SNPH: variants seen among roughly 807,000 people sequenced by gnomAD.
SNPH encodes the protein syntaphilin.
SNPH carries 10 observed loss-of-function variants against 36.8 expected under a neutral mutation model. The observed-to-expected ratio is 0.27, with a 90% CI of 0.17 to 0.46. The LOEUF (loss-of-function observed/expected upper bound fraction) is 0.46. Among genes scored for constraint, SNPH ranks in the 20% least tolerant of loss-of-function variants. SNPH has a pLI of 1.00. For synonymous variants in SNPH, 281 were observed against 312.2 expected, an observed-to-expected ratio of 0.90 and a Z score of 1.05; for missense variants, 622 against 744.0, an observed-to-expected ratio of 0.84 and a Z score of 1.91.
At chr20:1,286,073 G>A (rs972084496) in intron 2 of SNPH, among the ~76,000 whole-genome samples, 1 of 126,108 alleles carries the variant, frequency 7.9e-6, no homozygotes, top group African/African-American at 3.1e-5. Context: ...CTGAGCGACA[G>A]AGCGAGACTC....
At position 1,266,626 on chromosome 20, in the gene SNPH, G is replaced by A. The variant is rs1366489027; in HGVS notation, c.-599-28G>A. On this transcript the variant is annotated intron_variant, in intron 1 of 6. Transcript: ENST00000381867. The surrounding 1 kb of genome is among the most constrained non-coding windows in gnomAD (Gnocchi z 6.0). ...TTCCCCGCCCGCGCTCACCCGCCCC[G>A]GTCTATCTCTTTTTCCTAACCCCGC... is the stretch of plus-strand genomic sequence containing the variant. 3.4e-6 allele frequency: 5 copies of A among 1,480,008 alleles called. No individual in the cohort carries two copies. The African/African-American group carries it at 4.4e-5, about 13-fold the overall frequency. 91.7% of individuals were successfully genotyped at this position (1,480,008 alleles called of 1,614,324 possible).
At chr20:1,271,434 C>T (rs1209376485) in intron 2 of SNPH, among the ~76,000 whole-genome samples, 4 of 152,084 alleles carry the variant, frequency 2.6e-5, no homozygotes, top group Admixed American at 6.5e-5. Flanking sequence ...CTCTGCCTCC[C>T]GGGTTCAAAT....
chr20:1,266,772 G>A lies in SNPH; in HGVS notation c.-493+12G>A. ...GCCAGTGGACTCAGGTGAGGAGGCC[G>A]CGGCGGAGCGGGGAGCTGGCCCTGC... On this transcript the variant is annotated intron_variant, in intron 2 of 6. Transcript: ENST00000381867. This position sits in a 1 kb window ranked among gnomAD's most constrained non-coding sequence, Gnocchi z 6.0. 1 of 1,346,720 alleles carries A rather than the reference G, an allele frequency of 7.4e-7. No individual in the cohort carries two copies. The highest frequency in any genetic ancestry group is 9.5e-7 in the Non-Finnish European group (1 of 1,049,308). The allele number at this position is 1,346,720 out of a possible 1,614,324, so 83.4% of individuals were successfully genotyped here.
rs1291468711 is a variant in SNPH at position 1,285,766 on chromosome 20, T to C, written c.-492-9185T>C. Among the ~76,000 whole-genome samples the C allele has an allele frequency of 6.6e-6, 1 of 152,184 alleles. No individual in the cohort carries two copies. The highest frequency in any genetic ancestry group is 1.5e-5 in the Non-Finnish European group (1 of 68,032). On this transcript the variant is annotated intron_variant, in intron 2 of 6. Transcript: ENST00000381867. This position sits in a 1 kb window ranked among gnomAD's most constrained non-coding sequence, Gnocchi z 4.9. ...CCGTGGTTTCTTTCTGTCGGGTTAG[T>C]CTGCCTGTCAGCAAAAGGGGAAAAC...
At chr20:1,281,005 G>T (rs922006229) in intron 2 of SNPH, among the ~76,000 whole-genome samples, 1 of 152,150 alleles carries the variant, frequency 6.6e-6, no homozygotes, top group Non-Finnish European at 1.5e-5. Flanking sequence ...TGGGTGGAGT[G>T]GGGGGTGTGT....
intron 2 of SNPH, among the ~76,000 whole-genome samples, chr20:1,271,192 C>A (rs2088068982): frequency 6.6e-6 from 1 of 152,208 alleles, no homozygotes; most frequent in African/African-American, 2.4e-5. Context: ...AGACTTGGGT[C>A]CTCACCCCAG....
chr20:1,304,268 C>T lies in SNPH; in HGVS notation c.441-610C>T, dbSNP rs114816913. ...AGCCACCCTGTTCTTATCACTCTCC[C>T]GTTCCACCCACCACTTCTCATCGCT... On this transcript the variant is annotated intron_variant, in intron 6 of 6. Coordinates refer to ENST00000381867, the MANE Select transcript of SNPH (RefSeq NM_001318234.2). This position sits in a 1 kb window ranked among gnomAD's most constrained non-coding sequence, Gnocchi z 4.3. Among the ~76,000 whole-genome samples the T allele has an allele frequency of 2.5e-3, 374 of 152,248 alleles. No individual in the cohort carries two copies. The highest frequency in any genetic ancestry group is 8.5e-3 in the African/African-American group (355 of 41,536).
rs940798701 is a variant in SNPH at position 1,281,320 on chromosome 20, C to T, written c.-492-13631C>T. ...GACCTGTCCTGGTGCTTCTCTTCAT[C>T]TCTTCCCAGTCCATACTTGGCAGAG... On this transcript the variant is annotated intron_variant, in intron 2 of 6. Transcript: ENST00000381867. Among the ~76,000 whole-genome samples the T allele has an allele frequency of 2.6e-5, 4 of 152,328 alleles. No individual in the cohort carries two copies. The South Asian group carries it at 8.3e-4, about 32-fold the overall frequency.
In SNPH at chr20:1,304,747, G is replaced by C; in HGVS notation, c.441-131G>C. Reference sequence around the variant, plus strand: ...AAGAAGGCATTGAGTTTGTCCTTCTGTTTTGGGTTCTGAGCCACAGCAGCA... The same window carrying C: ...AAGAAGGCATTGAGTTTGTCCTTCTCTTTTGGGTTCTGAGCCACAGCAGCA... On this transcript the variant is annotated intron_variant, in intron 6 of 6. Transcript: ENST00000381867. The surrounding 1 kb of genome is among the most constrained non-coding windows in gnomAD (Gnocchi z 4.3). The C allele has an allele frequency of 1.3e-6, 1 of 782,548 alleles. No homozygotes were observed. The highest frequency in any genetic ancestry group is 2.6e-5 in the East Asian group (1 of 38,784). The allele number at this position is 782,548 out of a possible 1,614,324, so 48.5% of individuals were successfully genotyped here. A position where few individuals can be genotyped will look rare whatever the true frequency, so the allele number is the denominator to read the frequency against.
chr20:1,277,765 GTGTC>G (rs1368160814), intron 2 of SNPH, among the ~76,000 whole-genome samples: 2 of 142,710 alleles, frequency 1.4e-5, no homozygotes, highest in Admixed American at 7.0e-5. Context: ...GTGTGTGTCA[GTGTC>G]TGTCTCTGTG....
Position 1,300,675 on chromosome 20 carries a change from C to A in SNPH, c.404C>A (p.Ala135Asp). The change falls in exon 6 of 7, where the codon GCC (alanine) becomes GAC (aspartate). Residue 135 changes from alanine to aspartate, a missense_variant. Transcript: ENST00000381867. ...QKEVCIRHLKARLKDTQDRLQ... is the reference protein window; with the variant it reads ...QKEVCIRHLKDRLKDTQDRLQ... ...GAGGTGTGCATCCGGCACCTGAAAG[C>A]CCGGCTGAAGGACACACAGGACCGG... The A allele has an allele frequency of 6.2e-7, 1 of 1,612,614 alleles. No individual in the cohort carries two copies. The highest frequency in any genetic ancestry group is 8.5e-7 in the Non-Finnish European group (1 of 1,179,998).
At chr20:1,302,778 C>T (rs983613777) in intron 6 of SNPH, among the ~76,000 whole-genome samples, 19 of 152,218 alleles carry the variant, frequency 1.2e-4, no homozygotes, top group African/African-American at 2.9e-4. Flanking sequence ...GCAGCCAATC[C>T]GGTTTGGATT....
Position 1,287,956 on chromosome 20 carries a change from C to T in SNPH, c.-492-6995C>T, listed in dbSNP as rs978983842. On this transcript the variant is annotated intron_variant, in intron 2 of 6. Transcript: ENST00000381867. ...GCTGGGGCTGGCACCACTGCCCCTC[C>T]GTTCCTCACATTTCTCCATGGGTGT... Among the ~76,000 whole-genome samples, 8 of 152,336 alleles carry T rather than the reference C, an allele frequency of 5.3e-5. No individual in the cohort carries two copies. In the South Asian group the frequency reaches 1.4e-3, roughly 28 times the overall value.
chr20:1,285,476 T>A lies in SNPH; in HGVS notation c.-492-9475T>A, dbSNP rs747988646. On this transcript the variant is annotated intron_variant, in intron 2 of 6. Transcript: ENST00000381867. This position sits in a 1 kb window ranked among gnomAD's most constrained non-coding sequence, Gnocchi z 4.9. Reference sequence around the variant, plus strand: ...AATAACATTGAGAATAAGAATATATTCAGGCGAATAAATAATTACTGCTAT... The same window carrying A: ...AATAACATTGAGAATAAGAATATATACAGGCGAATAAATAATTACTGCTAT... Among the ~76,000 whole-genome samples, 6 of 152,210 alleles carry A rather than the reference T, an allele frequency of 3.9e-5. No homozygotes were observed. The highest frequency in any genetic ancestry group is 8.8e-5 in the Non-Finnish European group (6 of 68,034).
chr20:1,268,135 G>C (rs2088030201), intron 2 of SNPH, among the ~76,000 whole-genome samples: 1 of 152,190 alleles, frequency 6.6e-6, no homozygotes. Flanking sequence ...AAGTGTATTG[G>C]GTCACCAGGC....
Position 1,305,129 on chromosome 20 carries a change from C to A in SNPH, c.692C>A (p.Ala231Asp). ...ACGCTGCTGCACAGCATGGAGGTGG[C>A]CCAGAATGGCATGGCCAAGGAGGAT... ...LETLLHSMEV[A>D]QNGMAKEDGT... Residue 231 changes from alanine (A) to aspartate (D), a missense_variant, in exon 7 of 7, where the codon GCC becomes GAC. Physicochemically the swap from Ala to Asp is moderately radical, Grantham distance 126 (BLOSUM62 -2). Around this residue, in one of 3 missense-constraint regions of SNPH, gnomAD observed 379 missense variants for 427.9 expected, o/e 0.89. Transcript: ENST00000381867. 1.2e-6 allele frequency: 2 copies of A among 1,613,672 alleles called. No individual in the cohort carries two copies. Among genetic ancestry groups the A allele is most frequent in the Non-Finnish European group, 1.7e-6 (2 of 1,180,002 alleles).
At chr20:1,273,772 C>T (rs996705037) in intron 2 of SNPH, among the ~76,000 whole-genome samples, 2 of 152,086 alleles carry the variant, frequency 1.3e-5, no homozygotes, top group East Asian at 1.9e-4. Context: ...AGAAAGGCAA[C>T]GTAAAGATGG....
intron 6 of SNPH, among the ~76,000 whole-genome samples, chr20:1,302,779 G>T (rs908016426): frequency 1.3e-5 from 2 of 152,346 alleles, no homozygotes; most frequent in East Asian, 3.9e-4. Context: ...CAGCCAATCC[G>T]GTTTGGATTT....
chr20:1,279,615 C>CTTTTTTTTT lies in SNPH; in HGVS notation c.-493+12857_-493+12858insTTTTTTTTT, dbSNP rs1259483361. On this transcript the variant is annotated intron_variant, in intron 2 of 6. Coordinates refer to ENST00000381867, the MANE Select transcript of SNPH (RefSeq NM_001318234.2). ...AGACTGGTTTCCTGAGAGACTCCGG[C>CTTTTTTTTT]TTCTTTTTTTTTTTTTTTTTTTGAG... Among the ~76,000 whole-genome samples, 222 of 111,638 alleles carry CTTTTTTTTT rather than the reference C, an allele frequency of 2.0e-3. 12 individuals carry two copies. Among genetic ancestry groups the CTTTTTTTTT allele is most frequent in the African/African-American group, 6.0e-3 (198 of 32,894 alleles). 73.2% of individuals were successfully genotyped at this position (111,638 alleles called of 152,430 possible).
Sources: allele counts gnomAD v4.1 joint callset (sites outside exome capture counted in the v4.1 genomes callset), GRCh38; gene constraint gnomAD v4.1.1; regional missense constraint gnomAD v4.1.1; non-coding constraint Gnocchi (gnomAD v3.1); transcripts MANE v1.5; gene names NCBI Gene and HGNC (gene_info 2026-07-23, HGNC 2026-07-21).